Variants in ZNF407 observed in about 807,000 individuals in gnomAD.
The protein encoded by ZNF407 is zinc finger protein 407.
A neutral mutation model predicts 131.2 loss-of-function variants in ZNF407; 17 were observed. The observed-to-expected ratio is 0.13, with a 90% CI of 0.09 to 0.19. The LOEUF (loss-of-function observed/expected upper bound fraction) is 0.19. Ranked by LOEUF, ZNF407 falls within the 10% of genes least tolerant of loss-of-function variation. The pLI is 1.00. For synonymous variants in ZNF407, 1,156 were observed against 1,062.0 expected (o/e 1.09, Z -1.72); for missense variants, 2,681 against 2,830.6 (o/e 0.95, Z 1.20).
intron 3 of ZNF407, among the ~76,000 whole-genome samples, chr18:74,642,559 C>T (rs1419831366): frequency 1.3e-5 from 2 of 151,800 alleles, no homozygotes; most frequent in African/African-American, 4.8e-5. Context: ...TTACTAAGAC[C>T]CTAGAAAGAG....
At position 74,635,602 on chromosome 18, in the gene ZNF407, A is replaced by G. The variant is rs1039564252; in HGVS notation, c.4583A>G (p.Asn1528Ser). 18 of 1,613,846 alleles carry G rather than the reference A, an allele frequency of 1.1e-5. No individual in the cohort carries two copies. Among genetic ancestry groups the G allele is most frequent in the African/African-American group, 4.0e-5 (3 of 74,934 alleles). The change falls in exon 2 of 9, where the codon AAC becomes AGC. Residue 1528 changes from asparagine to serine, a missense_variant. By Grantham distance (46) the Asn-to-Ser change is conservative (BLOSUM62 1). This residue lies in a region of ZNF407 where 213 missense variants were observed against 332.2 expected (regional missense o/e 0.64). Transcript: ENST00000299687. The surrounding 1 kb of genome is among the most constrained non-coding windows in gnomAD (Gnocchi z 4.7). ...ATAGTGGAAGACACTGAGCAAATCA[A>G]CCGCGAGAGGGAGGAAAACCAGGGA... ...KYIVEDTEQI[N>S]REREENQGNV...
At chr18:74,701,837 GA>G (rs1012339836) in intron 3 of ZNF407, among the ~76,000 whole-genome samples, 2 of 152,146 alleles carry the variant, frequency 1.3e-5, no homozygotes, top group African/African-American at 4.8e-5. Context: ...GCATTGTAAA[GA>G]GAGACTATTT....
intron 8 of ZNF407, among the ~76,000 whole-genome samples, chr18:75,042,195 C>G (rs1474535091): frequency 6.6e-6 from 1 of 152,204 alleles, no homozygotes; most frequent in African/African-American, 2.4e-5. Context: ...ACCACCACAC[C>G]TGGCCAGCCT....
chr18:74,830,236 C>G (rs1224480995), intron 4 of ZNF407, among the ~76,000 whole-genome samples: 1 of 152,148 alleles, frequency 6.6e-6, no homozygotes, highest in East Asian at 1.9e-4. Flanking sequence ...TACGGCAGCC[C>G]TAGCACACTA....
chr18:74,625,869 A>G (rs1269114218), intron 1 of ZNF407, among the ~76,000 whole-genome samples: 2 of 152,246 alleles, frequency 1.3e-5, no homozygotes. Context: ...GCTGGATAAA[A>G]TAAATCATGT....
chr18:74,609,323 T>G (rs1982951590), intron 1 of ZNF407, among the ~76,000 whole-genome samples: 1 of 152,072 alleles, frequency 6.6e-6, no homozygotes, highest in Non-Finnish European at 1.5e-5. Flanking sequence ...CATCACAGAG[T>G]ATACAAACCT....
chr18:74,937,708 A>G (rs1972053985), intron 8 of ZNF407, among the ~76,000 whole-genome samples: 1 of 152,240 alleles, frequency 6.6e-6, no homozygotes. Context: ...GAAGTTTTAA[A>G]TATGTCTACC....
chr18:74,831,734 G>T (rs1438119023), intron 4 of ZNF407, among the ~76,000 whole-genome samples: 3 of 152,004 alleles, frequency 2.0e-5, no homozygotes, highest in African/African-American at 7.3e-5. Flanking sequence ...TCGATGCCAC[G>T]TGTCCCCCTC....
At chr18:74,980,821 A>G (rs1972583806) in intron 8 of ZNF407, among the ~76,000 whole-genome samples, 1 of 152,198 alleles carries the variant, frequency 6.6e-6, no homozygotes, top group Non-Finnish European at 1.5e-5. Flanking sequence ...AGCAGAGGAA[A>G]GAAAGGGAGC....
intron 4 of ZNF407, among the ~76,000 whole-genome samples, chr18:74,856,442 TC>T (rs1195926192): frequency 5.3e-5 from 8 of 152,222 alleles, no homozygotes; most frequent in Non-Finnish European, 1.2e-4. Context: ...AAGAAAGCAA[TC>T]TAGTAAGCTG....
intron 4 of ZNF407, among the ~76,000 whole-genome samples, chr18:74,871,545 T>C (rs577543384): frequency 6.6e-6 from 1 of 152,282 alleles, no homozygotes; most frequent in South Asian, 2.1e-4. Context: ...TTTACAGTAA[T>C]TTTTAGTCAA....
chr18:74,621,056 C>T (rs1983489091), intron 1 of ZNF407, among the ~76,000 whole-genome samples: 1 of 134,522 alleles, frequency 7.4e-6, no homozygotes, highest in South Asian at 2.8e-4. Context: ...TAAGATATTT[C>T]TCCATTTCCA....
intron 8 of ZNF407, among the ~76,000 whole-genome samples, chr18:74,938,924 A>C (rs1310485185): frequency 6.6e-6 from 1 of 152,202 alleles, no homozygotes; most frequent in African/African-American, 2.4e-5. Flanking sequence ...CACTGAAGAC[A>C]GACAGCTCAC....
chr18:74,859,441 A>G (rs1482746690), intron 4 of ZNF407, among the ~76,000 whole-genome samples: 1 of 152,154 alleles, frequency 6.6e-6, no homozygotes, highest in Non-Finnish European at 1.5e-5. Flanking sequence ...AGGAAACCAG[A>G]GAGCACAGGT....
chr18:74,901,847 A>G (rs1209991273), intron 7 of ZNF407, among the ~76,000 whole-genome samples: 9 of 152,024 alleles, frequency 5.9e-5, no homozygotes, highest in Non-Finnish European at 8.8e-5. Context: ...TAACAAAACA[A>G]TCTTTTAAAA....
chr18:74,601,390 G>A (rs1489655414), intron 1 of ZNF407, among the ~76,000 whole-genome samples: 1 of 151,030 alleles, frequency 6.6e-6, no homozygotes, highest in Admixed American at 6.6e-5. Context: ...GGCAAGACCG[G>A]CCTTCATGTG....
chr18:74,998,169 C>A (rs2122152465), intron 8 of ZNF407, among the ~76,000 whole-genome samples: 1 of 152,108 alleles, frequency 6.6e-6, no homozygotes, highest in East Asian at 1.9e-4. Context: ...TCCTTTTTTT[C>A]ATGGGATGAT....
chr18:74,602,786 A>C (rs1287157290), intron 1 of ZNF407, among the ~76,000 whole-genome samples: 1 of 152,016 alleles, frequency 6.6e-6, no homozygotes, highest in Non-Finnish European at 1.5e-5. Flanking sequence ...TTCATTCAAC[A>C]TTTTTTTTAG....
At chr18:74,789,351 G>T (rs553119676) in intron 4 of ZNF407, among the ~76,000 whole-genome samples, 1 of 152,252 alleles carries the variant, frequency 6.6e-6, no homozygotes, top group Non-Finnish European at 1.5e-5. Flanking sequence ...GAGCTCAGTG[G>T]CCTTGCACAC....
Sources: allele counts gnomAD v4.1 joint callset (sites outside exome capture counted in the v4.1 genomes callset), GRCh38; gene constraint gnomAD v4.1.1; regional missense constraint gnomAD v4.1.1; non-coding constraint Gnocchi (gnomAD v3.1); transcripts MANE v1.5; gene names NCBI Gene and HGNC (gene_info 2026-07-23, HGNC 2026-07-21).